Variants in HOMER2 observed in about 807,000 individuals in gnomAD.
HOMER2 encodes homer scaffold protein 2, also known as homer protein homolog 2.
In HOMER2, 27 loss-of-function variants were observed where a neutral mutation model predicts 47.0. That is an observed-to-expected ratio of 0.57 (90% CI 0.42 to 0.79). The LOEUF (loss-of-function observed/expected upper bound fraction) is 0.79. Ranked by LOEUF, HOMER2 falls within the 30% of genes least tolerant of loss-of-function variation. HOMER2 has a pLI of 0.00. For missense variants in HOMER2, 443 were observed against 435.0 expected (o/e 1.02, Z -0.16); for synonymous variants, 161 against 163.8 (o/e 0.98, Z 0.13).
At chr15:82,880,249 T>C (rs575723172) in intron 2 of HOMER2, among the ~76,000 whole-genome samples, 2 of 152,360 alleles carry the variant, frequency 1.3e-5, no homozygotes, top group East Asian at 1.9e-4. Flanking sequence ...CAGCAGAGAC[T>C]GTACAACCTG....
downstream of HOMER2, chr15:82,845,762 G>A (rs1378384925): frequency 6.6e-6 from 1 of 152,092 alleles, no homozygotes; most frequent in Non-Finnish European, 1.5e-5. Context: ...CACATGTGAG[G>A]TCCCACCATA....
intron 1 of HOMER2, among the ~76,000 whole-genome samples, chr15:82,919,540 G>T (rs1049814645): frequency 6.6e-6 from 1 of 152,162 alleles, no homozygotes; most frequent in Non-Finnish European, 1.5e-5. Flanking sequence ...CAACAAAGAG[G>T]CTTCACAGAT....
chr15:82,920,567 C>T (rs183751903), intron 1 of HOMER2, among the ~76,000 whole-genome samples: 15 of 152,304 alleles, frequency 9.8e-5, no homozygotes, highest in Non-Finnish European at 1.9e-4. Flanking sequence ...CCTCCATCTT[C>T]AAAGCCTGCA....
At chr15:82,898,705 G>C (rs7174267) in intron 1 of HOMER2, among the ~76,000 whole-genome samples, 7,180 of 152,246 alleles carry the variant, frequency 0.047, 549 homozygotes, top group African/African-American at 0.16. Flanking sequence ...CTCCTGCTTT[G>C]AACAATTTCT....
chr15:82,911,185 A>G (rs2053443324), intron 1 of HOMER2, among the ~76,000 whole-genome samples: 1 of 152,224 alleles, frequency 6.6e-6, no homozygotes, highest in East Asian at 1.9e-4. Context: ...TATTACCATC[A>G]GCAAATTAAA....
intron 2 of HOMER2, among the ~76,000 whole-genome samples, chr15:82,879,561 A>G (rs1486745562): frequency 4.6e-5 from 7 of 152,218 alleles, no homozygotes; most frequent in Admixed American, 4.6e-4. Context: ...CTTAAAAAAT[A>G]AAAACAATCT....
intron 3 of HOMER2, among the ~76,000 whole-genome samples, chr15:82,872,715 C>A (rs1408359330): frequency 6.7e-6 from 1 of 149,280 alleles, no homozygotes; most frequent in East Asian, 1.9e-4. Flanking sequence ...ATCCTGTTGT[C>A]GGGCAGACGA....
At chr15:82,949,543 G>C (rs1049318232) in intron 1 of HOMER2, among the ~76,000 whole-genome samples, 30 of 152,304 alleles carry the variant, frequency 2.0e-4, no homozygotes, top group African/African-American at 7.0e-4. Flanking sequence ...GTGCAGAGGT[G>C]AGGCAGAAGC....
At chr15:82,982,124 C>T (rs1050164261) in intron 1 of HOMER2, among the ~76,000 whole-genome samples, 2 of 152,312 alleles carry the variant, frequency 1.3e-5, no homozygotes, top group South Asian at 4.1e-4. Context: ...TGCACATCAA[C>T]AGGCCCAAGG....
In HOMER2 at chr15:82,858,906, T is replaced by C. The variant is rs576936715; in HGVS notation, c.494+123A>G. ...CCTTCCTTTCACCAGGAGACAAGAG[T>C]GGATGCTCTAAGCAGGTCCCAGTTT... On this transcript the variant is annotated intron_variant, in intron 5 of 8. Coordinates refer to ENST00000450735, the MANE Select transcript of HOMER2 (RefSeq NM_004839.4). 1.1e-4 allele frequency: 122 copies of C among 1,125,642 alleles called. 1 individual carries two copies. In the South Asian group the frequency reaches 2.0e-3, roughly 18 times the overall value. The allele number at this position is 1,125,642 out of a possible 1,614,324, so 69.7% of individuals were successfully genotyped here.
chr15:82,904,859 T>C (rs906808247), intron 1 of HOMER2, among the ~76,000 whole-genome samples: 19 of 152,124 alleles, frequency 1.2e-4, no homozygotes, highest in African/African-American at 4.6e-4. Context: ...ATGTCTACCT[T>C]TCACCAAAAA....
chr15:82,943,215 G>A (rs1307815668), intron 1 of HOMER2, among the ~76,000 whole-genome samples: 1 of 152,204 alleles, frequency 6.6e-6, no homozygotes, highest in Non-Finnish European at 1.5e-5. Context: ...TTTAATAGAT[G>A]AGGACAGTAA....
intron 1 of HOMER2, among the ~76,000 whole-genome samples, chr15:82,943,437 T>C (rs2054306863): frequency 6.6e-6 from 1 of 152,210 alleles, no homozygotes; most frequent in South Asian, 2.1e-4. Flanking sequence ...GAAATATGTC[T>C]TGATGCCACC....
intron 3 of HOMER2, 38 bp downstream of exon 3, chr15:82,875,235 A>T (rs1167848492): frequency 6.2e-7 from 1 of 1,606,886 alleles, no homozygotes; most frequent in South Asian, 1.1e-5. Context: ...ATGGCATCTG[A>T]TGCGGGATTT....
Position 82,849,030 on chromosome 15 carries a change from G to C in HOMER2, c.*685C>G, listed in dbSNP as rs1310659533. The C allele has an allele frequency of 6.6e-6, 1 of 152,060 alleles. No homozygotes were observed. Among genetic ancestry groups the C allele is most frequent in the African/African-American group, 2.4e-5 (1 of 41,366 alleles). 9.4% of individuals were successfully genotyped at this position (152,060 alleles called of 1,614,324 possible). A position where few individuals can be genotyped will look rare whatever the true frequency, so the allele number is the denominator to read the frequency against. On this transcript the variant is annotated 3_prime_UTR_variant, in exon 9 of 9. Coordinates refer to ENST00000450735, the MANE Select transcript of HOMER2 (RefSeq NM_004839.4). The stretch of plus-strand genomic sequence containing the variant: ...AAGCACCTACTTTGTGCCAGACATT[G>C]TGCTAGGCACCCTCACTGTGTGCTG...
chr15:82,854,971 G>T (rs969177596), intron 5 of HOMER2, among the ~76,000 whole-genome samples, 171 bp from the exon 6 acceptor site: 1 of 152,196 alleles, frequency 6.6e-6, no homozygotes, highest in African/African-American at 2.4e-5. Context: ...GGCCAGGAGG[G>T]ACTGGCCCCT....
intron 6 of HOMER2, among the ~76,000 whole-genome samples, chr15:82,853,363 T>C (rs1411030646): frequency 6.6e-6 from 1 of 152,226 alleles, no homozygotes; most frequent in Non-Finnish European, 1.5e-5. Context: ...GGCAGGCAGA[T>C]CTGCCAGGCC....
At chr15:82,924,694 C>G (rs115618268) in intron 1 of HOMER2, among the ~76,000 whole-genome samples, 59 of 152,330 alleles carry the variant, frequency 3.9e-4, no homozygotes, top group African/African-American at 1.4e-3. Flanking sequence ...CCTGGAGGTT[C>G]TAGTGCTTAT....
intron 1 of HOMER2, among the ~76,000 whole-genome samples, chr15:82,973,837 G>A (rs1420962964): frequency 6.6e-6 from 1 of 151,982 alleles, no homozygotes; most frequent in East Asian, 1.9e-4. Flanking sequence ...AGGCTGAGGT[G>A]GGCGGATCAC....
Sources: allele counts gnomAD v4.1 joint callset (sites outside exome capture counted in the v4.1 genomes callset), GRCh38; gene constraint gnomAD v4.1.1; transcripts MANE v1.5; gene names NCBI Gene and HGNC (gene_info 2026-07-23, HGNC 2026-07-21).